Variants in NSMCE2 observed in about 807,000 individuals in gnomAD.
NSMCE2 encodes the protein NSE2 SUMO ligase component of SMC5/6 complex, also known as E3 SUMO-protein ligase NSE2.
A neutral mutation model predicts 23.8 loss-of-function variants in NSMCE2; 24 were observed. That is an observed-to-expected ratio of 1.01 (90% confidence interval 0.73 to 1.42). NSMCE2 has a LOEUF of 1.42. NSMCE2 is among the 40% of genes most tolerant of loss of function. NSMCE2 has a pLI of 0.00. For missense variants in NSMCE2, 284 were observed against 296.5 expected, an observed-to-expected ratio of 0.96 and a Z score of 0.31; for synonymous variants, 92 against 94.1, an observed-to-expected ratio of 0.98 and a Z score of 0.13.
chr8:125,344,908 C>G (rs1830380268), intron 5 of NSMCE2, among the ~76,000 whole-genome samples: 1 of 151,560 alleles, frequency 6.6e-6, no homozygotes, highest in Admixed American at 6.6e-5. Flanking sequence ...TTTTGTGAGT[C>G]ATAATTCTAC....
At chr8:125,180,805 A>G (rs969600862) in intron 4 of NSMCE2, among the ~76,000 whole-genome samples, 22 of 151,138 alleles carry the variant, frequency 1.5e-4, no homozygotes, top group African/African-American at 5.3e-4. Context: ...AATGGCAGCT[A>G]ATAAATTGTG....
intron 3 of NSMCE2, among the ~76,000 whole-genome samples, chr8:125,103,858 T>C (rs1818319233): frequency 6.6e-6 from 1 of 152,196 alleles, no homozygotes; most frequent in Non-Finnish European, 1.5e-5. Context: ...CATTTCTTTC[T>C]TCATTGTGTC....
chr8:125,300,596 C>T (rs765002800), intron 5 of NSMCE2, among the ~76,000 whole-genome samples: 2 of 152,170 alleles, frequency 1.3e-5, no homozygotes, highest in Admixed American at 6.5e-5. Context: ...ATCTCTTATT[C>T]GCTATGCCAT....
chr8:125,181,049 G>A (rs1586574221), intron 4 of NSMCE2, among the ~76,000 whole-genome samples: 1 of 152,252 alleles, frequency 6.6e-6, no homozygotes, highest in East Asian at 1.9e-4. Flanking sequence ...AGTTTTGCTT[G>A]GCAGCAGGAG....
At chr8:125,096,327 A>ACCTGT (rs1235133920) in intron 1 of NSMCE2, among the ~76,000 whole-genome samples, 1 of 152,206 alleles carries the variant, frequency 6.6e-6, no homozygotes, top group Admixed American at 6.5e-5. Flanking sequence ...TTTGGTGGGC[A>ACCTGT]CCTGTCCAGT....
chr8:125,210,624 T>A lies in NSMCE2; in HGVS notation c.418+28368T>A, dbSNP rs112610311. ...TACCCTTTTCAGCCTAAAAATTGCCTCATTTTGTTCCTTTTTTTTCTCACC... is the reference window on the plus strand; with the variant it reads ...TACCCTTTTCAGCCTAAAAATTGCCACATTTTGTTCCTTTTTTTTCTCACC... On this transcript the variant is annotated intron_variant, in intron 5 of 7. Coordinates refer to ENST00000287437, the MANE Select transcript of NSMCE2 (RefSeq NM_173685.4). Among the ~76,000 whole-genome samples, 314 of 152,300 alleles carry A rather than the reference T, an allele frequency of 2.1e-3. 2 individuals are homozygous for A. Among genetic ancestry groups the A allele is most frequent in the African/African-American group, 7.4e-3 (306 of 41,570 alleles).
At chr8:125,263,803 A>G (rs1490033049) in intron 5 of NSMCE2, among the ~76,000 whole-genome samples, 1 of 151,628 alleles carries the variant, frequency 6.6e-6, no homozygotes, top group African/African-American at 2.4e-5. Flanking sequence ...AATAAATTTA[A>G]TCTGGGACTA....
chr8:125,142,028 C>A (rs1820399294), intron 3 of NSMCE2, among the ~76,000 whole-genome samples: 1 of 152,064 alleles, frequency 6.6e-6, no homozygotes. Flanking sequence ...TAAAAAACAA[C>A]CTAGAGAGCT....
In NSMCE2 at chr8:125,341,897, GAAAAAAAAAAAAAA is replaced by G. The variant is rs61204647; in HGVS notation, c.419-15310_419-15297del. ...GCAATGCACTGAGGATCTAGAAATG[GAAAAAAAAAAAAAA>G]AAAAAAAAAAACCTGTCTCTGCCCA... On this transcript the variant is annotated intron_variant, in intron 5 of 7. Coordinates refer to ENST00000287437, the MANE Select transcript of NSMCE2 (RefSeq NM_173685.4). Among the ~76,000 whole-genome samples, 50 of 83,242 alleles carry G rather than the reference GAAAAAAAAAAAAAA, an allele frequency of 6.0e-4. 1 individual carries two copies. The highest frequency in any genetic ancestry group is 1.7e-3 in the African/African-American group (40 of 23,078). 54.6% of individuals were successfully genotyped at this position (83,242 alleles called of 152,430 possible).
intron 4 of NSMCE2, among the ~76,000 whole-genome samples, chr8:125,157,149 G>A (rs1034190985): frequency 3.9e-5 from 6 of 152,104 alleles, no homozygotes; most frequent in East Asian, 3.8e-4. Flanking sequence ...AAATTCGTTC[G>A]GTGGCTATAA....
At chr8:125,301,618 A>G (rs1264085511) in intron 5 of NSMCE2, among the ~76,000 whole-genome samples, 1 of 149,262 alleles carries the variant, frequency 6.7e-6, no homozygotes, top group African/African-American at 2.5e-5. Flanking sequence ...GTGAGCTCCC[A>G]TTCTCCACAA....
chr8:125,170,835 TCTC>T (rs1822166003), intron 4 of NSMCE2, among the ~76,000 whole-genome samples: 1 of 152,176 alleles, frequency 6.6e-6, no homozygotes, highest in Non-Finnish European at 1.5e-5. Context: ...TACTGACTGC[TCTC>T]CTGCTTCTGC....
chr8:125,182,231 A>G lies in NSMCE2; in HGVS notation c.393A>G (p.Gln131=), dbSNP rs750170199. ...QNNEKFVQFK[Q]QLKELKKQCG... ...ATGAAAAATTTGTACAGTTTAAACA[A>G]CAGCTGAAAGAACTAAAGAAGCAAT... is the stretch of plus-strand genomic sequence containing the variant. Residue 131 remains glutamine (Q), a synonymous_variant, in exon 5 of 8, where the codon CAA becomes CAG. Coordinates refer to ENST00000287437, the MANE Select transcript of NSMCE2 (RefSeq NM_173685.4). 5 of 1,606,252 alleles carry G rather than the reference A, an allele frequency of 3.1e-6. No individual in the cohort carries two copies. The highest frequency in any genetic ancestry group is 1.1e-5 in the South Asian group (1 of 88,678).
At chr8:125,237,705 C>G (rs1169930056) in intron 5 of NSMCE2, among the ~76,000 whole-genome samples, 1 of 152,188 alleles carries the variant, frequency 6.6e-6, no homozygotes, top group African/African-American at 2.4e-5. Context: ...TAGCATAAAT[C>G]TGCATTCCTG....
intron 3 of NSMCE2, among the ~76,000 whole-genome samples, chr8:125,106,926 G>T (rs979601896): frequency 6.6e-6 from 1 of 151,466 alleles, no homozygotes. Flanking sequence ...AACCCTGGGG[G>T]CGGAGGTTGC....
chr8:125,097,302 C>G (rs1817986711), intron 1 of NSMCE2, among the ~76,000 whole-genome samples: 1 of 152,126 alleles, frequency 6.6e-6, no homozygotes, highest in Non-Finnish European at 1.5e-5. Flanking sequence ...TTTGAAAATA[C>G]ATAGAGCTCA....
chr8:125,256,112 G>A (rs1287498741), intron 5 of NSMCE2, among the ~76,000 whole-genome samples: 1 of 151,932 alleles, frequency 6.6e-6, no homozygotes, highest in African/African-American at 2.4e-5. Flanking sequence ...TGAAATCCCT[G>A]TCTCTACTAA....
At chr8:125,316,732 T>TCC (rs1554637204) in intron 5 of NSMCE2, among the ~76,000 whole-genome samples, 21,994 of 102,782 alleles carry the variant, frequency 0.21, 3,573 homozygotes, top group Admixed American at 0.27. Flanking sequence ...CTTTCCTTCT[T>TCC]TTCCTTCCTT....
intron 5 of NSMCE2, among the ~76,000 whole-genome samples, chr8:125,283,341 A>T (rs1827768788): frequency 6.6e-6 from 1 of 151,992 alleles, no homozygotes; most frequent in Non-Finnish European, 1.5e-5. Context: ...TGAGTCCAGG[A>T]GTTCAAAACC....
Sources: allele counts gnomAD v4.1 joint callset (sites outside exome capture counted in the v4.1 genomes callset), GRCh38; gene constraint gnomAD v4.1.1; transcripts MANE v1.5; gene names NCBI Gene and HGNC (gene_info 2026-07-23, HGNC 2026-07-21).